FGF13: variants seen among roughly 807,000 people sequenced by gnomAD.
FGF13 encodes the protein fibroblast growth factor 13, also known as fibroblast growth factor homologous factor 2.
Under a neutral mutation model 19.5 loss-of-function variants are expected in FGF13, and 2 were observed. That is an observed-to-expected ratio of 0.10 (90% CI 0.04 to 0.32). The LOEUF (loss-of-function observed/expected upper bound fraction) is 0.32, where lower values mean the gene tolerates loss of function less well. FGF13 is among the 10% of genes least tolerant of loss of function. The pLI, the probability that FGF13 is intolerant of heterozygous loss-of-function variation, is 1.00. For missense variants in FGF13, 113 were observed against 192.7 expected (o/e 0.59, Z 2.45); for synonymous variants, 72 against 76.9 (o/e 0.94, Z 0.33).
chrX:138,913,120 C>G (rs1304369923), intron 1 of FGF13, among the ~76,000 whole-genome samples: 1 of 103,236 alleles, frequency 9.7e-6, no homozygotes, highest in Non-Finnish European at 2.0e-5. Flanking sequence ...CATCATTTTA[C>G]TTTTAAGGGA....
intron 1 of FGF13, among the ~76,000 whole-genome samples, chrX:139,151,898 G>C (rs907057446): frequency 9.0e-6 from 1 of 111,597 alleles, no homozygotes; most frequent in Non-Finnish European, 1.9e-5. Flanking sequence ...TCTATATAAA[G>C]GACAGATATA....
At chrX:139,078,191 C>G (rs2083345000) in intron 1 of FGF13, among the ~76,000 whole-genome samples, 1 of 109,778 alleles carries the variant, frequency 9.1e-6, no homozygotes, top group Non-Finnish European at 1.9e-5. Flanking sequence ...AGGCCATTAG[C>G]ACAGTTCTCC....
intron 3 of FGF13, among the ~76,000 whole-genome samples, chrX:138,680,345 GC>G (rs985546350): frequency 8.9e-6 from 1 of 111,950 alleles, no homozygotes; most frequent in African/African-American, 3.2e-5. Context: ...TTTTCAATTT[GC>G]TTTGCCTGGA....
chrX:138,822,899 A>G (rs903526241), intron 3 of FGF13, among the ~76,000 whole-genome samples: 4 of 111,855 alleles, frequency 3.6e-5, no homozygotes, highest in Non-Finnish European at 7.5e-5. Flanking sequence ...AGTGTAGCAA[A>G]TGGAAAACCA....
At chrX:138,789,853 G>A (rs972096483) in intron 3 of FGF13, among the ~76,000 whole-genome samples, 1 of 106,512 alleles carries the variant, frequency 9.4e-6, no homozygotes, top group African/African-American at 3.4e-5. Context: ...AGACCATCCT[G>A]GCTAACACGG....
intron 1 of FGF13, among the ~76,000 whole-genome samples, chrX:138,987,494 TA>T (rs1569436836): frequency 8.9e-6 from 1 of 112,294 alleles, no homozygotes; most frequent in Non-Finnish European, 1.9e-5. Context: ...AATTAAATTT[TA>T]AAATTCAAAA....
At chrX:138,784,078 C>T (rs1209286310) in intron 3 of FGF13, among the ~76,000 whole-genome samples, 1 of 97,391 alleles carries the variant, frequency 1.0e-5, no homozygotes, top group Non-Finnish European at 2.0e-5. Context: ...AAAAACCAAA[C>T]ACCGCATGTT....
intron 3 of FGF13, among the ~76,000 whole-genome samples, chrX:138,701,731 C>G (rs2089948015): frequency 8.9e-6 from 1 of 112,252 alleles, no homozygotes; most frequent in Non-Finnish European, 1.9e-5. Flanking sequence ...CTCTGCAAAA[C>G]AGGGTTATCA....
rs17510214 is a variant in FGF13 at position 138,657,094 on chromosome X, A to G, written c.403-21439T>C. 5.5e-3 allele frequency among the ~76,000 whole-genome samples: 620 copies of G among 111,857 alleles called. 2 individuals are homozygous for G. The highest frequency in any genetic ancestry group is 0.019 in the African/African-American group (593 of 30,844). ...CTGAGCTCAATTATCAATTATTGGT[A>G]AAATGACTCCTACATATTATTCTCC... On this transcript the variant is annotated intron_variant, in intron 3 of 4. Transcript: ENST00000315930.
chrX:138,803,913 G>T (rs1222802586), intron 3 of FGF13, among the ~76,000 whole-genome samples: 2 of 111,926 alleles, frequency 1.8e-5, no homozygotes, highest in African/African-American at 6.5e-5. Flanking sequence ...AAGCAGAGTT[G>T]GTCTTTTGAT....
rs1020067793 is a variant in FGF13, at chrX:138,753,872, C to T, written c.218-44944G>A. Reference sequence around the variant, plus strand: ...TTTTGTTTGAATAAAGCTGATTGATCTCTTTACTGAACTGGTTGTGTCTTA... The same window carrying T: ...TTTTGTTTGAATAAAGCTGATTGATTTCTTTACTGAACTGGTTGTGTCTTA... On this transcript the variant is annotated intron_variant, in intron 3 of 6. Coordinates refer to the FGF13 transcript ENST00000436198. Among the ~76,000 whole-genome samples, 25 of 111,981 alleles carry T rather than the reference C, an allele frequency of 2.2e-4. No individual in the cohort carries two copies. The Admixed American group carries it at 2.4e-3, about 11-fold the overall frequency.
intron 1 of FGF13, among the ~76,000 whole-genome samples, chrX:139,155,866 T>A (rs560209025): frequency 1.8e-5 from 2 of 111,969 alleles, no homozygotes; most frequent in South Asian, 7.4e-4. Flanking sequence ...CTGGAACTTG[T>A]CCTCCCCACT....
At chrX:138,686,967 C>T (rs192114197) in intron 3 of FGF13, among the ~76,000 whole-genome samples, 128 of 111,819 alleles carry the variant, frequency 1.1e-3, no homozygotes, top group Non-Finnish European at 1.7e-3. Context: ...TTCACTAGTA[C>T]AATAACCTAC....
In FGF13 at chrX:138,984,611, GGAGGAT is replaced by G. The variant is rs1250760529; in HGVS notation, c.-112-119967_-112-119962del. Among the ~76,000 whole-genome samples the G allele has an allele frequency of 2.5e-3, 146 of 58,833 alleles. 3 individuals carry two copies. Among genetic ancestry groups the G allele is most frequent in the Middle Eastern group, 9.3e-3 (1 of 108 alleles). 51.1% of individuals were successfully genotyped at this position (58,833 alleles called of 115,157 possible). A position where few individuals can be genotyped will look rare whatever the true frequency, so the allele number is the denominator to read the frequency against. On this transcript the variant is annotated intron_variant, in intron 1 of 2. Coordinates refer to the FGF13 transcript ENST00000421460. ...AGAAGGAGGAGGAGGAGGAGGAGGAGGAGGATGAGGAAGAGGAGGAGGAGGAGGAGG... is the reference window on the plus strand; with the variant it reads ...AGAAGGAGGAGGAGGAGGAGGAGGAGGAGGAAGAGGAGGAGGAGGAGGAGG...
At chrX:139,155,737 C>T (rs762044044) in intron 1 of FGF13, among the ~76,000 whole-genome samples, 17 of 111,886 alleles carry the variant, frequency 1.5e-4, no homozygotes, top group East Asian at 1.1e-3. Flanking sequence ...GATGCAGATG[C>T]CTAGTGAACT....
chrX:138,803,177 T>G (rs921420010), intron 3 of FGF13, among the ~76,000 whole-genome samples: 10 of 112,121 alleles, frequency 8.9e-5, no homozygotes, highest in African/African-American at 3.2e-4. Flanking sequence ...TAATTAGCCT[T>G]TCTGCCACCA....
At chrX:138,746,775 T>A (rs1286107784) in intron 3 of FGF13, among the ~76,000 whole-genome samples, 1 of 112,523 alleles carries the variant, frequency 8.9e-6, no homozygotes, top group Non-Finnish European at 1.9e-5. Flanking sequence ...AGAACTCGAA[T>A]AATGTATGCA....
chrX:138,775,692 C>T (rs2090582393), intron 3 of FGF13, among the ~76,000 whole-genome samples: 1 of 112,543 alleles, frequency 8.9e-6, no homozygotes, highest in African/African-American at 3.2e-5. Flanking sequence ...TATCACTCCA[C>T]AAGATGGCAC....
chrX:138,723,411 A>G (rs1352134561), intron 1 of FGF13, among the ~76,000 whole-genome samples: 1 of 111,626 alleles, frequency 9.0e-6, no homozygotes, highest in Non-Finnish European at 1.9e-5. Context: ...ACTTCTTCAC[A>G]TGTAAACAGC....
Sources: gnomAD v4.1 joint callset for allele counts (sites outside exome capture counted in the v4.1 genomes callset) on GRCh38, gnomAD v4.1.1 for gene constraint, MANE v1.5 for transcripts, NCBI Gene and HGNC (gene_info 2026-07-23, HGNC 2026-07-21) for gene names.